CCR6: variants seen among roughly 807,000 people sequenced by gnomAD.
The protein encoded by CCR6 is C-C chemokine receptor type 6.
A neutral mutation model predicts 3.0 loss-of-function variants in CCR6; 2 were observed. The observed-to-expected ratio is 0.66, with a 90% CI of 0.27 to 2.07. The LOEUF (loss-of-function observed/expected upper bound fraction) is 2.07, where lower values mean the gene tolerates loss of function less well. Among genes scored for constraint, CCR6 ranks in the 30% most tolerant of loss-of-function variants. The pLI, the probability that CCR6 is intolerant of heterozygous loss-of-function variation, is 0.14. For missense variants in CCR6, 322 were observed against 462.8 expected, an observed-to-expected ratio of 0.70 and a Z score of 2.79; for synonymous variants, 193 against 184.3, an observed-to-expected ratio of 1.05 and a Z score of -0.38.
chr6:167,127,942 T>C (rs1352479728), intron 1 of CCR6, among the ~76,000 whole-genome samples: 1 of 152,254 alleles, frequency 6.6e-6, no homozygotes, highest in East Asian at 1.9e-4. Flanking sequence ...GAGATCCTCA[T>C]ATTCACGTTG....
chr6:167,133,258 T>G (rs1322161517), intron 1 of CCR6, among the ~76,000 whole-genome samples: 1 of 152,248 alleles, frequency 6.6e-6, no homozygotes, highest in Non-Finnish European at 1.5e-5. Context: ...CTCTCACATT[T>G]AGATTTATAA....
At position 167,133,932 on chromosome 6, in the gene CCR6, G is replaced by GTGTGTGTATATATA. The variant is rs1183741225; in HGVS notation, c.-97-2105_-97-2104insGTGTGTATATATAT. On this transcript the variant is annotated intron_variant, in intron 1 of 2. Coordinates refer to ENST00000341935, the MANE Select transcript of CCR6 (RefSeq NM_031409.4). ...ATACTATTATATATGATATATGTGT[G>GTGTGTGTATATATA]TATATATATATATATATATATATAT... 2.5e-3 allele frequency among the ~76,000 whole-genome samples: 281 copies of GTGTGTGTATATATA among 110,370 alleles called. 5 individuals are homozygous for GTGTGTGTATATATA. Among genetic ancestry groups the GTGTGTGTATATATA allele is most frequent in the Middle Eastern group, 0.01 (2 of 194 alleles). 72.4% of individuals were successfully genotyped at this position (110,370 alleles called of 152,430 possible). A position where few individuals can be genotyped will look rare whatever the true frequency, so the allele number is the denominator to read the frequency against.
At chr6:167,119,488 G>T (rs1253278612), upstream of CCR6, 1 of 152,198 alleles carries the variant, frequency 6.6e-6, no homozygotes, top group Non-Finnish European at 1.5e-5. Flanking sequence ...CTGAAAAAAT[G>T]ATTCGTATCT....
At chr6:167,132,337 C>T (rs1370470938) in intron 1 of CCR6, among the ~76,000 whole-genome samples, 2 of 152,186 alleles carry the variant, frequency 1.3e-5, no homozygotes, top group East Asian at 1.9e-4. Flanking sequence ...ATGTAGGAGT[C>T]GGTTGCAGGT....
chr6:167,135,336 A>G (rs1019710181), intron 1 of CCR6, among the ~76,000 whole-genome samples: 13 of 152,198 alleles, frequency 8.5e-5, no homozygotes, highest in Admixed American at 3.9e-4. Context: ...GATGATTAGG[A>G]TGCCTCTGCC....
chr6:167,137,400 G>C lies in CCR6; in HGVS notation c.*45G>C, dbSNP rs777781807. The stretch of plus-strand genomic sequence containing the variant: ...AAGGCATGTGTGAAACATACTCATA[G>C]ATGTTATGCAAAAAAAAGTCTATGG... On this transcript the variant is annotated 3_prime_UTR_variant, in exon 3 of 3. Transcript: ENST00000341935. This position sits in a 1 kb window ranked among gnomAD's most constrained non-coding sequence, Gnocchi z 4.6. 6 of 1,533,018 alleles carry C rather than the reference G, an allele frequency of 3.9e-6. No homozygotes were observed. The highest frequency in any genetic ancestry group is 4.4e-6 in the Non-Finnish European group (5 of 1,142,660). 95.0% of individuals were successfully genotyped at this position (1,533,018 alleles called of 1,614,324 possible).
chr6:167,132,303 T>TC lies in CCR6; in HGVS notation c.-97-3733dup, dbSNP rs41433744. ...CCTGCTGGGAATGTTCCAGTGTTAA[T>TC]CCTCCCATGTCTCTTGGGTAGACAT... On this transcript the variant is annotated intron_variant, in intron 1 of 2. Transcript: ENST00000341935. Among the ~76,000 whole-genome samples the TC allele has an allele frequency of 7.5e-3, 1,139 of 152,286 alleles. 12 individuals are homozygous for TC. Among genetic ancestry groups the TC allele is most frequent in the African/African-American group, 0.026 (1,071 of 41,542 alleles).
chr6:167,118,954 T>C (rs937831360), upstream of CCR6, among the ~76,000 whole-genome samples: 4 of 152,320 alleles, frequency 2.6e-5, no homozygotes, highest in East Asian at 7.7e-4. Context: ...GCACCTGCCC[T>C]GTGACCTGCT....
At chr6:167,124,061 G>T (rs1162584023) in intron 1 of CCR6, among the ~76,000 whole-genome samples, 1 of 152,142 alleles carries the variant, frequency 6.6e-6, no homozygotes, top group Non-Finnish European at 1.5e-5. Context: ...GCAGTGAGCC[G>T]AGATCACGCT....
In CCR6 at chr6:167,129,794, G is replaced by A. The variant is rs41513348; in HGVS notation, c.-97-6244G>A. On this transcript the variant is annotated intron_variant, in intron 1 of 2. Coordinates refer to ENST00000341935, the MANE Select transcript of CCR6 (RefSeq NM_031409.4). ...GTGTGCCCGCCCTACAGGGTACCCC[G>A]GGTCCTGTGAGAGGCTAACATTCAG... is the stretch of plus-strand genomic sequence containing the variant. Among the ~76,000 whole-genome samples, 98 of 151,684 alleles carry A rather than the reference G, an allele frequency of 6.5e-4. 2 individuals carry two copies. Among genetic ancestry groups the A allele is most frequent in the African/African-American group, 2.2e-3 (92 of 40,992 alleles).
intron 1 of CCR6, among the ~76,000 whole-genome samples, chr6:167,112,645 G>T (rs536381334): frequency 4.6e-5 from 7 of 152,302 alleles, no homozygotes; most frequent in African/African-American, 1.4e-4. Flanking sequence ...ATGAGGCTCG[G>T]TGGAGGGGCT....
intron 1 of CCR6, among the ~76,000 whole-genome samples, chr6:167,126,819 C>T (rs1781675477): frequency 6.6e-6 from 1 of 152,190 alleles, no homozygotes; most frequent in African/African-American, 2.4e-5. Flanking sequence ...TGAGTGAGTT[C>T]TCACGGGATC....
chr6:167,130,992 C>CCCCTCCCTCCGGGCCT (rs1562559675), intron 1 of CCR6, among the ~76,000 whole-genome samples: 3 of 118,206 alleles, frequency 2.5e-5, no homozygotes, highest in African/African-American at 3.6e-5. Flanking sequence ...CCTCTGGACC[C>CCCCTCCCTCCGGGCCT]CCTCCCTTTG....
rs1562562083 is a variant in CCR6, at chr6:167,137,714, C to G, written c.*359C>G. 5.8e-6 allele frequency: 1 copy of G among 173,220 alleles called. No individual in the cohort carries two copies. Among genetic ancestry groups the G allele is most frequent in the Non-Finnish European group, 1.2e-5 (1 of 80,498 alleles). The allele number at this position is 173,220 out of a possible 1,614,324, so 10.7% of individuals were successfully genotyped here. On this transcript the variant is annotated 3_prime_UTR_variant, in exon 3 of 3. Coordinates refer to ENST00000341935, the MANE Select transcript of CCR6 (RefSeq NM_031409.4). This position sits in a 1 kb window ranked among gnomAD's most constrained non-coding sequence, Gnocchi z 4.6. ...CACAGATCACAGTGTCTTTTGGTTA[C>G]AGCACAAAATGATGGCAGTGGTTTG...
chr6:167,114,633 G>A (rs1227214884), intron 1 of CCR6, among the ~76,000 whole-genome samples: 5 of 152,216 alleles, frequency 3.3e-5, no homozygotes, highest in African/African-American at 1.2e-4. Context: ...CCCCCTGGCC[G>A]AGGCCTGCTG....
chr6:167,112,314 T>C (rs1413084056), intron 1 of CCR6, among the ~76,000 whole-genome samples: 1 of 152,070 alleles, frequency 6.6e-6, no homozygotes, highest in African/African-American at 2.4e-5. Context: ...GTTAGGGCGG[T>C]AAAGTCACAC....
intron 1 of CCR6, among the ~76,000 whole-genome samples, chr6:167,114,554 CTGCCATTGAG>C (rs1781464886): frequency 6.6e-6 from 1 of 152,222 alleles, no homozygotes; most frequent in South Asian, 2.1e-4. Flanking sequence ...GGAGGGGTTA[CTGCCATTGAG>C]TGGCCTAAAT....
chr6:167,131,000 T>TCCTACCTC (rs1562559693), intron 1 of CCR6, among the ~76,000 whole-genome samples: 3 of 117,114 alleles, frequency 2.6e-5, no homozygotes, highest in Non-Finnish European at 3.5e-5. Flanking sequence ...CCCCCTCCCT[T>TCCTACCTC]TGGGACCCCT....
chr6:167,131,017 G>A (rs1369116099), intron 1 of CCR6, among the ~76,000 whole-genome samples: 2 of 142,676 alleles, frequency 1.4e-5, no homozygotes, highest in East Asian at 4.3e-4. Flanking sequence ...CCCTCCTTCT[G>A]GGACCCCCAT....
Sources: gnomAD v4.1 joint callset for allele counts (sites outside exome capture counted in the v4.1 genomes callset) on GRCh38, gnomAD v4.1.1 for gene constraint, Gnocchi (gnomAD v3.1) non-coding constraint, MANE v1.5 for transcripts, NCBI Gene and HGNC (gene_info 2026-07-23, HGNC 2026-07-21) for gene names.